FRMD7: variants seen among roughly 807,000 people sequenced by gnomAD.
FRMD7 encodes the protein FERM domain containing 7.
A neutral mutation model predicts 44.1 loss-of-function variants in FRMD7; 14 were observed. The ratio of observed to expected loss-of-function variants is 0.32; its 90% confidence interval spans 0.21 to 0.50. The LOEUF is 0.50. FRMD7 is among the 20% of genes least tolerant of loss of function. FRMD7 has a pLI of 0.99. For synonymous variants in FRMD7, 212 were observed against 187.4 expected (o/e 1.13, Z -1.07); for missense variants, 501 against 522.3 (o/e 0.96, Z 0.40).
intron 5 of FRMD7, among the ~76,000 whole-genome samples, chrX:132,088,808 T>C (rs1245338569): frequency 8.9e-6 from 1 of 111,880 alleles, no homozygotes; most frequent in Non-Finnish European, 1.9e-5. Flanking sequence ...GCTTACACAC[T>C]GAAAAGTACA....
intron 1 of FRMD7, among the ~76,000 whole-genome samples, chrX:132,114,552 T>C (rs1928855505): frequency 8.9e-6 from 1 of 112,489 alleles, no homozygotes; most frequent in South Asian, 3.7e-4. Flanking sequence ...TTCTATTGTT[T>C]TTGAAGCTGG....
chrX:132,083,900 C>T (rs1448752533), intron 8 of FRMD7, among the ~76,000 whole-genome samples: 1 of 111,844 alleles, frequency 8.9e-6, no homozygotes, highest in African/African-American at 3.3e-5. Flanking sequence ...GACGTTGAGG[C>T]TGCTCTGAGC....
chrX:132,108,559 C>A (rs1928702341), intron 1 of FRMD7, among the ~76,000 whole-genome samples: 1 of 111,089 alleles, frequency 9.0e-6, no homozygotes, highest in Non-Finnish European at 1.9e-5. Flanking sequence ...CTAACCTGGA[C>A]ACTTTAGAGG....
At chrX:132,114,344 T>C (rs979120177) in intron 1 of FRMD7, among the ~76,000 whole-genome samples, 23 of 111,874 alleles carry the variant, frequency 2.1e-4, no homozygotes, top group African/African-American at 7.1e-4. Context: ...AAAACCTTTT[T>C]AAATATATTC....
intron 5 of FRMD7, among the ~76,000 whole-genome samples, chrX:132,090,440 T>C (rs1158895262): frequency 9.0e-6 from 1 of 111,268 alleles, no homozygotes; most frequent in African/African-American, 3.3e-5. Flanking sequence ...TTATTTTGAG[T>C]GAAAAAAGTC....
At position 132,078,021 on chromosome X, in the gene FRMD7, A is replaced by G; in HGVS notation, c.1996T>C (p.Tyr666His). 8.3e-7 allele frequency: 1 copy of G among 1,210,736 alleles called. No homozygotes were observed. The highest frequency in any genetic ancestry group is 1.1e-6 in the Non-Finnish European group (1 of 894,555). ...ATGGGTGACCTTATTTCTTTGCCAT[A>G]CAAAGCATAGTAGTCTGGTTTAAGA... is the stretch of plus-strand genomic sequence containing the variant. ...EILKPDYYAL[Y>H]GKEIRSPMAR... The change falls in exon 12 of 12, where the codon TAT (tyrosine) becomes CAT (histidine). Residue 666 changes from tyrosine (Y) to histidine (H), a missense_variant. Tyr to His is a moderately conservative substitution (Grantham distance 83, BLOSUM62 2). Coordinates refer to ENST00000298542, the MANE Select transcript of FRMD7 (RefSeq NM_194277.3).
At chrX:132,107,494 A>G (rs972620292) in intron 1 of FRMD7, among the ~76,000 whole-genome samples, 1 of 110,535 alleles carries the variant, frequency 9.0e-6, no homozygotes, top group Non-Finnish European at 1.9e-5. Context: ...ATTTTCTCAC[A>G]TTTCTAGAGG....
rs754058324 is a variant in FRMD7, at chrX:132,078,601, C to T, written c.1416G>A (p.Gln472=). 1.7e-5 allele frequency: 21 copies of T among 1,209,540 alleles called. No homozygotes were observed. Among genetic ancestry groups the T allele is most frequent in the Non-Finnish European group, 2.2e-5 (20 of 894,697 alleles). ...TATAGGGCACATCCGTGTAAGTTAG[C>T]TGCTTTGCTGGACGCACTTTGCTTG... The part of the protein sequence containing the change: ...GLTSKVRPAK[Q]LTYTDVPYIP... The change falls in exon 12 of 12, where the codon CAG becomes CAA. Residue 472 remains glutamine, a synonymous_variant. Coordinates refer to ENST00000298542, the MANE Select transcript of FRMD7 (RefSeq NM_194277.3).
At chrX:132,101,349 T>G (rs1928493422) in intron 1 of FRMD7, among the ~76,000 whole-genome samples, 1 of 111,817 alleles carries the variant, frequency 8.9e-6, no homozygotes, top group Admixed American at 9.5e-5. Context: ...ATTTCTTTGG[T>G]TTGGCTTACT....
intron 1 of FRMD7, among the ~76,000 whole-genome samples, chrX:132,109,186 T>G (rs928954591): frequency 8.9e-6 from 1 of 111,783 alleles, no homozygotes; most frequent in African/African-American, 3.3e-5. Flanking sequence ...ATGAATTACC[T>G]TTTGGTCATT....
At chrX:132,108,082 G>A (rs763397150) in intron 1 of FRMD7, among the ~76,000 whole-genome samples, 3 of 112,024 alleles carry the variant, frequency 2.7e-5, no homozygotes, top group African/African-American at 6.5e-5. Context: ...AAGAGTGATC[G>A]TGGGTAGGCT....
chrX:132,119,588 G>C (rs1190371643), intron 1 of FRMD7, among the ~76,000 whole-genome samples: 5 of 111,253 alleles, frequency 4.5e-5, no homozygotes, highest in Non-Finnish European at 5.7e-5. Context: ...CCACACCTTG[G>C]ACCCAGAAGA....
At chrX:132,100,162 C>G (rs768899138) in intron 2 of FRMD7, among the ~76,000 whole-genome samples, 1 of 111,934 alleles carries the variant, frequency 8.9e-6, no homozygotes, top group African/African-American at 3.2e-5. Context: ...AACAGAGTCT[C>G]ACTCTGTTGC....
At chrX:132,080,434 G>A (rs1485193205) in intron 9 of FRMD7, among the ~76,000 whole-genome samples, 168 bp from the exon 10 acceptor site, 2 of 112,357 alleles carry the variant, frequency 1.8e-5, no homozygotes. Context: ...ACCAGGCAGA[G>A]AACAACCTCA....
At position 132,085,994 on chromosome X, in the gene FRMD7, A is replaced by G. The variant is rs745540841; in HGVS notation, c.423T>C (p.His141=). The change falls in exon 6 of 12, where the codon CAT becomes CAC. Residue 141 remains histidine, a synonymous_variant. Transcript: ENST00000298542. ...TTGGTAAGTACCGAGTTTGTGCCAG[A>G]TGCTTCCTATCTGTTTCTTCATGAA... ...GDFHEETDRK[H]LAQTRYLPNQ... is the part of the protein sequence containing the mutation. 5 of 1,201,334 alleles carry G rather than the reference A, an allele frequency of 4.2e-6. No individual in the cohort carries two copies. In the Admixed American group the frequency reaches 8.7e-5, roughly 21 times the overall value.
rs1927920556 is a variant in FRMD7, at chrX:132,084,484, A to G, written c.741+6T>C. 9.2e-7 allele frequency: 1 copy of G among 1,087,802 alleles called. No individual in the cohort carries two copies. The highest frequency in any genetic ancestry group is 1.3e-6 in the Non-Finnish European group (1 of 782,228). The allele number at this position is 1,087,802 out of a possible 1,213,427, so 89.6% of individuals were successfully genotyped here. A position where few individuals can be genotyped will look rare whatever the true frequency, so the allele number is the denominator to read the frequency against. ...AAGTAAACGAATTTATTAGAAAGCT[A>G]CTTACCAAGATATTGGCATGAAGTT... On this transcript the variant is annotated splice_donor_region_variant and intron_variant, in intron 8 of 11. Coordinates refer to ENST00000298542, the MANE Select transcript of FRMD7 (RefSeq NM_194277.3).
chrX:132,113,843 G>T (rs1268250718), intron 1 of FRMD7, among the ~76,000 whole-genome samples: 1 of 110,862 alleles, frequency 9.0e-6, no homozygotes, highest in East Asian at 2.8e-4. Flanking sequence ...ATTGACTATA[G>T]TCACCTTGTT....
intron 1 of FRMD7, among the ~76,000 whole-genome samples, chrX:132,115,796 T>C (rs150714308): frequency 1.5e-4 from 17 of 111,772 alleles, no homozygotes; most frequent in African/African-American, 5.5e-4. Context: ...TAGGAGGCTC[T>C]AGTCCACATT....
At chrX:132,119,792 T>C (rs1928990701) in intron 1 of FRMD7, among the ~76,000 whole-genome samples, 1 of 111,478 alleles carries the variant, frequency 9.0e-6, no homozygotes, top group Admixed American at 9.5e-5. Flanking sequence ...TCCTGAGCTT[T>C]GTAGCCTTCA....
Sources: gnomAD v4.1 joint callset for allele counts (sites outside exome capture counted in the v4.1 genomes callset) on GRCh38, gnomAD v4.1.1 for gene constraint, MANE v1.5 for transcripts, NCBI Gene and HGNC (gene_info 2026-07-23, HGNC 2026-07-21) for gene names.